The following IGF2R variants were observed in gnomAD, a reference collection of about 807,000 sequenced individuals.
The protein encoded by IGF2R is insulin like growth factor 2 receptor.
Under a neutral mutation model 270.6 loss-of-function variants are expected in IGF2R, and 91 were observed. The observed-to-expected ratio is 0.34, with a 90% CI of 0.28 to 0.40. The LOEUF is 0.40. IGF2R is among the 10% of genes least tolerant of loss of function. The pLI is 1.00. For synonymous variants in IGF2R, 1,316 were observed against 1,258.9 expected (o/e 1.05, Z -0.96); for missense variants, 2,805 against 3,188.3 (o/e 0.88, Z 2.90).
At chr6:160,065,892 G>A (rs1445743349) in intron 29 of IGF2R, among the ~76,000 whole-genome samples, 1 of 145,400 alleles carries the variant, frequency 6.9e-6, no homozygotes, top group East Asian at 2.0e-4. Flanking sequence ...AGGCTGAAGT[G>A]CAGTGGCGTG....
rs1411067471 is a variant in IGF2R at position 160,034,437 on chromosome 6, C to A, written c.1230C>A (p.Leu410=). 1.2e-6 allele frequency: 2 copies of A among 1,604,020 alleles called. No individual in the cohort carries two copies. The highest frequency in any genetic ancestry group is 2.2e-5 in the South Asian group (2 of 90,846). ...AATCTAGATATTCGGATGGAGACCT[C>A]ACCTTGATATATTTTGGAGGTGATG... is the stretch of plus-strand genomic sequence containing the variant. ...NQTLRYSDGD[L]TLIYFGGDEC... Residue 410 remains leucine, a synonymous_variant, in exon 10 of 48, where the codon CTC becomes CTA. Coordinates refer to ENST00000356956, the MANE Select transcript of IGF2R (RefSeq NM_000876.4).
At chr6:160,027,880 A>AT (rs1248551375) in intron 6 of IGF2R, among the ~76,000 whole-genome samples, 3 of 151,534 alleles carry the variant, frequency 2.0e-5, no homozygotes, top group Non-Finnish European at 4.4e-5. Context: ...AAGGATTCAC[A>AT]TTTTCTCCCC....
At chr6:160,031,056 G>T (rs1238215706) in intron 7 of IGF2R, among the ~76,000 whole-genome samples, 1 of 152,142 alleles carries the variant, frequency 6.6e-6, no homozygotes, top group Non-Finnish European at 1.5e-5. Flanking sequence ...TGCCCAGGCT[G>T]GTCTTGAACT....
chr6:160,079,463 A>G (rs1202968613), intron 37 of IGF2R, 117 bp from the exon 38 acceptor site: 5 of 632,294 alleles, frequency 7.9e-6, no homozygotes, highest in Non-Finnish European at 1.2e-5. Context: ...CACACAGAGG[A>G]GTCTTTGCTC....
intron 4 of IGF2R, among the ~76,000 whole-genome samples, chr6:160,021,620 AG>A (rs1201476295): frequency 1.3e-5 from 2 of 151,810 alleles, no homozygotes; most frequent in East Asian, 3.9e-4. Context: ...AAAAAAGTTT[AG>A]GAAAAAAAAA....
intron 46 of IGF2R, among the ~76,000 whole-genome samples, 161 bp from the exon 47 acceptor site, chr6:160,103,585 T>C (rs1779542549): frequency 6.6e-6 from 1 of 152,130 alleles, no homozygotes; most frequent in South Asian, 2.1e-4. Flanking sequence ...TTAGGGTATA[T>C]ATAACCTGTC....
At chr6:160,045,996 C>A in intron 14 of IGF2R, 114 bp downstream of exon 14, 1 of 881,982 alleles carries the variant, frequency 1.1e-6, no homozygotes, top group Non-Finnish European at 1.7e-6. Context: ...TTTATTCATG[C>A]TGTTTGAACA....
Position 160,068,332 on chromosome 6 carries a change from C to A in IGF2R, c.4199C>A (p.Pro1400Gln). 2 of 1,614,244 alleles carry A rather than the reference C, an allele frequency of 1.2e-6. No homozygotes were observed. Among genetic ancestry groups the A allele is most frequent in the Non-Finnish European group, 1.7e-6 (2 of 1,180,042 alleles). ...GAAGCCATCACTGGGACGGGGGACCCGGAGCACTACCTCATCAATGTCTGC... is the reference window on the plus strand; with the variant it reads ...GAAGCCATCACTGGGACGGGGGACCAGGAGCACTACCTCATCAATGTCTGC... ...NWEAITGTGD[P>Q]EHYLINVCKS... Residue 1400 changes from proline to glutamine, a missense_variant, in exon 30 of 48, where the codon CCG becomes CAG. Coordinates refer to ENST00000356956, the MANE Select transcript of IGF2R (RefSeq NM_000876.4).
At chr6:160,032,776 G>C in intron 8 of IGF2R, 63 bp downstream of exon 8, 1 of 1,549,226 alleles carries the variant, frequency 6.5e-7, no homozygotes, top group East Asian at 2.2e-5. Context: ...AGAGGGAACG[G>C]GACAGTAGGG....
At chr6:160,034,783 A>G (rs763057534) in intron 10 of IGF2R, among the ~76,000 whole-genome samples, 2 of 152,182 alleles carry the variant, frequency 1.3e-5, no homozygotes, top group African/African-American at 4.8e-5. Flanking sequence ...GGGCCCAGCA[A>G]TGAGCTTGTT....
chr6:160,061,963 C>T (rs778196804), intron 25 of IGF2R, 35 bp downstream of exon 25: 26 of 1,588,808 alleles, frequency 1.6e-5, no homozygotes, highest in African/African-American at 4.0e-5. Context: ...ATGTTGTCCC[C>T]GGGTGACTCC....
At chr6:159,976,532 G>C (rs146951840) in intron 1 of IGF2R, among the ~76,000 whole-genome samples, 1 of 151,578 alleles carries the variant, frequency 6.6e-6, no homozygotes, top group African/African-American at 2.4e-5. Flanking sequence ...TCTGTTTCTC[G>C]TTTGACTTGA....
At chr6:160,086,013 C>T (rs1459075808) in intron 41 of IGF2R, among the ~76,000 whole-genome samples, 6 of 152,174 alleles carry the variant, frequency 3.9e-5, no homozygotes, top group African/African-American at 1.2e-4. Context: ...TGCTTTTTCC[C>T]CTGTAATCTT....
chr6:160,013,578 C>T (rs562514367), intron 4 of IGF2R, among the ~76,000 whole-genome samples: 1 of 152,308 alleles, frequency 6.6e-6, no homozygotes, highest in East Asian at 1.9e-4. Context: ...TCTCTTACCT[C>T]TTCAGGTGTA....
chr6:160,020,833 A>G (rs1777415561), intron 4 of IGF2R, among the ~76,000 whole-genome samples: 1 of 152,238 alleles, frequency 6.6e-6, no homozygotes, highest in Non-Finnish European at 1.5e-5. Context: ...GCCTGCCTGA[A>G]ACTATAAAAT....
chr6:160,078,128 G>A (rs1778893673), intron 36 of IGF2R, 73 bp from the exon 37 acceptor site: 1 of 1,486,998 alleles, frequency 6.7e-7, no homozygotes, highest in Non-Finnish European at 9.3e-7. Flanking sequence ...AGCCCCTGTA[G>A]GGACGTGGTG....
rs1783568383 is a variant in IGF2R, at chr6:159,969,256, G to A, written c.10G>A (p.Ala4Thr). 1.9e-6 allele frequency: 2 copies of A among 1,063,618 alleles called. No homozygotes were observed. Among genetic ancestry groups the A allele is most frequent in the Non-Finnish European group, 1.1e-6 (1 of 883,920 alleles). The allele number at this position is 1,063,618 out of a possible 1,614,324, so 65.9% of individuals were successfully genotyped here. The change falls in exon 1 of 48, where the codon GCC becomes ACC. Residue 4 changes from alanine (A) to threonine (T), a missense_variant. By Grantham distance (58) the Ala-to-Thr change is moderately conservative. Coordinates refer to ENST00000356956, the MANE Select transcript of IGF2R (RefSeq NM_000876.4). MGA[A>T]AGRSPHLGPA... is the part of the protein sequence containing the mutation. ...GTCCGGGCCCGGCGCGATGGGGGCC[G>A]CCGCCGGCCGGAGCCCCCACCTGGG...
Position 160,084,196 on chromosome 6 carries a change from C to T in IGF2R, c.6068+12C>T. On this transcript the variant is annotated intron_variant, in intron 40 of 47. Coordinates refer to ENST00000356956, the MANE Select transcript of IGF2R (RefSeq NM_000876.4). The surrounding 1 kb of genome is among the most constrained non-coding windows in gnomAD (Gnocchi z 4.6). ...CACAACGGAGTCTCGTGAGTGCCTT[C>T]CCAGTCCACCCGCGGCGCCACACCC... 6.6e-7 allele frequency: 1 copy of T among 1,514,272 alleles called. No homozygotes were observed. The highest frequency in any genetic ancestry group is 9.2e-7 in the Non-Finnish European group (1 of 1,089,174). 93.8% of individuals were successfully genotyped at this position (1,514,272 alleles called of 1,614,324 possible). A position where few individuals can be genotyped will look rare whatever the true frequency, so the allele number is the denominator to read the frequency against.
chr6:160,087,895 C>T, intron 41 of IGF2R, 138 bp from the exon 42 acceptor site: 1 of 618,992 alleles, frequency 1.6e-6, no homozygotes, highest in South Asian at 1.8e-5. Context: ...AGGCTGGTCT[C>T]TAACTCCTGA....
Sources: allele counts gnomAD v4.1 joint callset (sites outside exome capture counted in the v4.1 genomes callset), GRCh38; gene constraint gnomAD v4.1.1; non-coding constraint Gnocchi (gnomAD v3.1); transcripts MANE v1.5; gene names NCBI Gene and HGNC (gene_info 2026-07-23, HGNC 2026-07-21).